Variants in MYO16 observed in about 807,000 individuals in gnomAD.
MYO16 encodes the protein unconventional myosin-XVI.
MYO16 carries 94 observed loss-of-function variants against 205.3 expected under a neutral mutation model. The ratio of observed to expected loss-of-function variants is 0.46; its 90% CI spans 0.39 to 0.54. The LOEUF is 0.54. MYO16 is among the 20% of genes least tolerant of loss of function. MYO16 has a pLI of 0.00. For missense variants in MYO16, 2,315 were observed against 2,387.5 expected (o/e 0.97, Z 0.63); for synonymous variants, 988 against 954.0 (o/e 1.04, Z -0.66).
intron 27 of MYO16, among the ~76,000 whole-genome samples, chr13:109,079,185 A>T (rs1566495706): frequency 6.6e-6 from 1 of 152,068 alleles, no homozygotes. Flanking sequence ...AGAGTTAGGG[A>T]TTAATTCATT....
intron 23 of MYO16, among the ~76,000 whole-genome samples, chr13:109,026,846 C>G (rs1251846793): frequency 6.6e-6 from 1 of 152,162 alleles, no homozygotes; most frequent in African/African-American, 2.4e-5. Flanking sequence ...GCTTGCATGA[C>G]ATTTTCCAGT....
chr13:108,760,427 A>G lies in MYO16; in HGVS notation c.508-25208A>G, dbSNP rs1254782908. 6.0e-5 allele frequency among the ~76,000 whole-genome samples: 9 copies of G among 151,240 alleles called. No individual in the cohort carries two copies. In the South Asian group the frequency reaches 1.9e-3, roughly 31 times the overall value. On this transcript the variant is annotated intron_variant, in intron 4 of 34. Coordinates refer to ENST00000457511, the MANE Select transcript of MYO16 (RefSeq NM_001198950.3). ...TAGAAAACTTATAAATCTATTCCAT[A>G]TCTGCTTCTTCTTGGCTGACAGTAA...
At chr13:108,576,770 CT>C in the MYO16 span, among the ~76,000 whole-genome samples, 3 of 150,970 alleles carry the variant, frequency 2.0e-5, no homozygotes, top group South Asian at 2.1e-4. Context: ...TCTTTCTTTT[CT>C]TTTTTTTTGA....
At chr13:108,877,273 A>T (rs1010204793) in intron 12 of MYO16, among the ~76,000 whole-genome samples, 1 of 152,188 alleles carries the variant, frequency 6.6e-6, no homozygotes, top group East Asian at 1.9e-4. Flanking sequence ...TTGCCAGATG[A>T]TTCTTCCAAT....
At chr13:109,197,401 A>G (rs976027175) in intron 34 of MYO16, among the ~76,000 whole-genome samples, 1 of 151,964 alleles carries the variant, frequency 6.6e-6, no homozygotes, top group Non-Finnish European at 1.5e-5. Flanking sequence ...TTTACCCCCA[A>G]GGTTTTTTTT....
chr13:109,087,049 C>A (rs1438107403), intron 27 of MYO16, among the ~76,000 whole-genome samples: 1 of 152,082 alleles, frequency 6.6e-6, no homozygotes. Context: ...AATATTTTTC[C>A]AAATTAGCAA....
rs983957846 is a variant in MYO16, at chr13:109,055,280, A to G, written c.3130-110A>G. 1 of 941,486 alleles carries G rather than the reference A, an allele frequency of 1.1e-6. No homozygotes were observed. The allele number at this position is 941,486 out of a possible 1,614,324, so 58.3% of individuals were successfully genotyped here. A position where few individuals can be genotyped will look rare whatever the true frequency, so the allele number is the denominator to read the frequency against. On this transcript the variant is annotated intron_variant, in intron 26 of 34. Transcript: ENST00000457511. The surrounding 1 kb of genome is among the most constrained non-coding windows in gnomAD (Gnocchi z 5.0). ...ACACACACACACACACACACAGAGT[A>G]AATGCATAATGAGATTTAAAGACGT...
At chr13:109,019,641 C>A in intron 22 of MYO16, 70 bp from the exon 23 acceptor site, 1 of 1,246,012 alleles carries the variant, frequency 8.0e-7, no homozygotes, top group African/African-American at 1.5e-5. Flanking sequence ...AGCAAGCATG[C>A]TTGAATAATA....
chr13:108,563,856 C>A, the MYO16 span, among the ~76,000 whole-genome samples: 1 of 152,154 alleles, frequency 6.6e-6, no homozygotes, highest in Non-Finnish European at 1.5e-5. Context: ...GGGGTATATA[C>A]CCAGCAGTGG....
At chr13:108,712,117 A>T (rs1883746111) in intron 2 of MYO16, among the ~76,000 whole-genome samples, 1 of 152,222 alleles carries the variant, frequency 6.6e-6, no homozygotes. Context: ...AGTAATTGGT[A>T]TATAGTTTGA....
intron 3 of MYO16, among the ~76,000 whole-genome samples, chr13:108,718,045 C>T (rs954641058): frequency 1.3e-5 from 2 of 152,074 alleles, no homozygotes; most frequent in African/African-American, 2.4e-5. Context: ...TTGCTCTTCA[C>T]CATCAGTTTC....
At chr13:108,629,144 A>G (rs1178549538), upstream of MYO16, 2 of 152,162 alleles carry the variant, frequency 1.3e-5, no homozygotes, top group Non-Finnish European at 2.9e-5. Context: ...CTTTTTGTGG[A>G]TAATTTAAGT....
At chr13:108,781,425 T>G (rs1454936604) in intron 4 of MYO16, among the ~76,000 whole-genome samples, 1 of 152,198 alleles carries the variant, frequency 6.6e-6, no homozygotes, top group Middle Eastern at 3.2e-3. Context: ...ATGGCTTTAT[T>G]CAGCAGCTCT....
At position 108,886,276 on chromosome 13, in the gene MYO16, C is replaced by T. The variant is rs144045485; in HGVS notation, c.1554-2096C>T. On this transcript the variant is annotated intron_variant, in intron 13 of 34. Coordinates refer to ENST00000457511, the MANE Select transcript of MYO16 (RefSeq NM_001198950.3). ...TGCTGGGATTACAGGCGTGAGCCAC[C>T]GCGCCCGGCCCTCCTTTGGGTCATT... 5.2e-3 allele frequency among the ~76,000 whole-genome samples: 795 copies of T among 152,120 alleles called. 10 individuals carry two copies. The highest frequency in any genetic ancestry group is 0.018 in the African/African-American group (733 of 41,538).
intron 24 of MYO16, among the ~76,000 whole-genome samples, chr13:109,048,116 A>G (rs1333371969): frequency 2.7e-5 from 4 of 150,388 alleles, no homozygotes; most frequent in Admixed American, 6.6e-5. Context: ...AGTTTACACA[A>G]TGCTTTTTTT....
chr13:108,942,782 A>G (rs1182003855), intron 16 of MYO16, among the ~76,000 whole-genome samples: 2 of 152,120 alleles, frequency 1.3e-5, no homozygotes, highest in African/African-American at 4.8e-5. Flanking sequence ...AGGACTTACT[A>G]TCTTAAATCA....
At chr13:108,574,407 T>A in the MYO16 span, among the ~76,000 whole-genome samples, 1 of 152,220 alleles carries the variant, frequency 6.6e-6, no homozygotes, top group East Asian at 1.9e-4. Flanking sequence ...ATCAAGAGTC[T>A]ATTGGTATAT....
intron 28 of MYO16, among the ~76,000 whole-genome samples, chr13:109,102,294 A>G (rs896276344): frequency 6.6e-6 from 1 of 152,148 alleles, no homozygotes; most frequent in African/African-American, 2.4e-5. Flanking sequence ...GGTGGGATTC[A>G]CATATATCAG....
intron 29 of MYO16, among the ~76,000 whole-genome samples, chr13:109,124,083 G>A (rs1289537654): frequency 1.3e-5 from 2 of 152,154 alleles, no homozygotes; most frequent in African/African-American, 4.8e-5. Flanking sequence ...ATGAGAAGGC[G>A]TCACTGTGCT....
Sources: gnomAD v4.1 joint callset for allele counts (sites outside exome capture counted in the v4.1 genomes callset) on GRCh38, gnomAD v4.1.1 for gene constraint, Gnocchi (gnomAD v3.1) non-coding constraint, MANE v1.5 for transcripts, NCBI Gene and HGNC (gene_info 2026-07-23, HGNC 2026-07-21) for gene names.